Variants in HOXD9 observed in about 807,000 individuals in gnomAD.
The protein encoded by HOXD9 is homeobox D9.
Under a neutral mutation model 24.6 loss-of-function variants are expected in HOXD9, and 21 were observed. The ratio of observed to expected loss-of-function variants is 0.85; its 90% CI spans 0.61 to 1.23. The LOEUF (loss-of-function observed/expected upper bound fraction) is 1.23. HOXD9 is among the 50% of genes most tolerant of loss of function. The probability of loss-of-function intolerance (pLI) is 0.00; values close to 1 mark genes in which losing one functional copy is unlikely to be tolerated. For missense variants in HOXD9, 503 were observed against 503.6 expected (o/e 1.00, Z 0.01); for synonymous variants, 240 against 226.4 (o/e 1.06, Z -0.54).
Position 176,124,312 on chromosome 2 carries a change from T to C in HOXD9, c.*137T>C, listed in dbSNP as rs1689936531. 1 of 1,309,642 alleles carries C rather than the reference T, an allele frequency of 7.6e-7. No homozygotes were observed. Among genetic ancestry groups the C allele is most frequent in the African/African-American group, 1.5e-5 (1 of 67,438 alleles). The allele number at this position is 1,309,642 out of a possible 1,614,324, so 81.1% of individuals were successfully genotyped here. A position where few individuals can be genotyped will look rare whatever the true frequency, so the allele number is the denominator to read the frequency against. ...TTCTTCTTCTTTTTTTTTTTCTTTT[T>C]AGATAGAAGTGACTGTGTGGTTGGT... On this transcript the variant is annotated 3_prime_UTR_variant, in exon 2 of 2. Coordinates refer to ENST00000249499, the MANE Select transcript of HOXD9 (RefSeq NM_014213.4).
rs1368785277 is a variant in HOXD9, at chr2:176,122,910, C to A, written c.142C>A (p.Arg48=). Residue 48 remains arginine, a synonymous_variant, in exon 1 of 2, where the codon CGG becomes AGG. Transcript: ENST00000249499. ...FGPPGPGAQG[R]PAGVADGPAA... Reference sequence around the variant, plus strand: ...GCCGCCGGGGCCAGGCGCGCAGGGCCGGCCTGCAGGTGTGGCTGATGGCCC... The same window carrying A: ...GCCGCCGGGGCCAGGCGCGCAGGGCAGGCCTGCAGGTGTGGCTGATGGCCC... 1 of 1,588,002 alleles carries A rather than the reference C, an allele frequency of 6.3e-7. No homozygotes were observed. The highest frequency in any genetic ancestry group is 1.4e-5 in the African/African-American group (1 of 72,258).
rs961001797 is a variant in HOXD9, at chr2:176,124,399, T to A, written c.*224T>A. On this transcript the variant is annotated 3_prime_UTR_variant, in exon 2 of 2. Transcript: ENST00000249499. The stretch of plus-strand genomic sequence containing the variant: ...TACGTGTTGGAAAAACCAAGTGGCT[T>A]TGGGGTTTCGCCCTATCCCACTCCC... The A allele has an allele frequency of 1.8e-5, 9 of 510,312 alleles. No homozygotes were observed. The South Asian group carries it at 3.4e-4, about 19-fold the overall frequency. The allele number at this position is 510,312 out of a possible 1,614,324, so 31.6% of individuals were successfully genotyped here. A position where few individuals can be genotyped will look rare whatever the true frequency, so the allele number is the denominator to read the frequency against.
rs1574956921 is a variant in HOXD9 at position 176,124,267 on chromosome 2, A to T, written c.*92A>T. ...GGGTGTTTGGTGCTTGATTTCCAGAAACTCTCCAGCGACTTGGACTTCTTC... is the reference window on the plus strand; with the variant it reads ...GGGTGTTTGGTGCTTGATTTCCAGATACTCTCCAGCGACTTGGACTTCTTC... On this transcript the variant is annotated 3_prime_UTR_variant, in exon 2 of 2. Transcript: ENST00000249499. The T allele has an allele frequency of 6.8e-7, 1 of 1,473,722 alleles. No homozygotes were observed. Among genetic ancestry groups the T allele is most frequent in the East Asian group, 2.3e-5 (1 of 42,892 alleles). The allele number at this position is 1,473,722 out of a possible 1,614,324, so 91.3% of individuals were successfully genotyped here. A position where few individuals can be genotyped will look rare whatever the true frequency, so the allele number is the denominator to read the frequency against.
rs1375072343 is a variant in HOXD9 at position 176,124,404 on chromosome 2, G to A, written c.*229G>A. On this transcript the variant is annotated 3_prime_UTR_variant, in exon 2 of 2. Transcript: ENST00000249499. ...GTTGGAAAAACCAAGTGGCTTTGGG[G>A]TTTCGCCCTATCCCACTCCCTCTCT... 1.0e-4 allele frequency: 47 copies of A among 468,436 alleles called. No individual in the cohort carries two copies. The highest frequency in any genetic ancestry group is 1.6e-4 in the Admixed American group (4 of 25,034). The allele number at this position is 468,436 out of a possible 1,614,324, so 29.0% of individuals were successfully genotyped here. A position where few individuals can be genotyped will look rare whatever the true frequency, so the allele number is the denominator to read the frequency against.
At position 176,123,220 on chromosome 2, in the gene HOXD9, G is replaced by A. The variant is rs1326638468; in HGVS notation, c.452G>A (p.Gly151Asp). Residue 151 changes from glycine (G) to aspartate (D), a missense_variant, in exon 1 of 2, where the codon GGC becomes GAC. Transcript: ENST00000249499. This position sits in a 1 kb window ranked among gnomAD's most constrained non-coding sequence, Gnocchi z 4.2. Reference protein sequence around the residue: ...PGRGPSPGPSGPANGRHYGIK... With the variant: ...PGRGPSPGPSDPANGRHYGIK... ...CGCGGTCCCAGCCCTGGCCCCAGCG[G>A]CCCAGCCAACGGGCGCCACTACGGG... 1 of 1,460,622 alleles carries A rather than the reference G, an allele frequency of 6.8e-7. No homozygotes were observed. The highest frequency in any genetic ancestry group is 9.1e-7 in the Non-Finnish European group (1 of 1,103,294). The allele number at this position is 1,460,622 out of a possible 1,614,324, so 90.5% of individuals were successfully genotyped here. A position where few individuals can be genotyped will look rare whatever the true frequency, so the allele number is the denominator to read the frequency against.
rs979581616 is a variant in HOXD9 at position 176,124,677 on chromosome 2, G to T, written c.*502G>T. 2.6e-5 allele frequency: 4 copies of T among 153,744 alleles called. No individual in the cohort carries two copies. Among genetic ancestry groups the T allele is most frequent in the African/African-American group, 9.6e-5 (4 of 41,464 alleles). The allele number at this position is 153,744 out of a possible 1,614,324, so 9.5% of individuals were successfully genotyped here. Reference sequence around the variant, plus strand: ...CCCGGCGGGGTTGCCCACCAGTTGCGAAAGCCCCCTTTCCTCAGGGAGCAC... The same window carrying T: ...CCCGGCGGGGTTGCCCACCAGTTGCTAAAGCCCCCTTTCCTCAGGGAGCAC... On this transcript the variant is annotated 3_prime_UTR_variant, in exon 2 of 2. Transcript: ENST00000249499.
In HOXD9 at chr2:176,123,448, G is replaced by A; in HGVS notation, c.680G>A (p.Gly227Glu). The change falls in exon 1 of 2, where the codon GGG becomes GAG. Residue 227 changes from glycine to glutamate, a missense_variant. Physicochemically the swap from Gly to Glu is moderately conservative, Grantham distance 98. Transcript: ENST00000249499. The surrounding 1 kb of genome is among the most constrained non-coding windows in gnomAD (Gnocchi z 4.2). ...GCGGCGACGGGGGGAACCGGGCCTG[G>A]GGCAGGGATCGGGGCCGCGACTGGG... ...AAAATGGTGPGAGIGAATGTG... is the reference protein window; with the variant it reads ...AAAATGGTGPEAGIGAATGTG... 1 of 1,567,664 alleles carries A rather than the reference G, an allele frequency of 6.4e-7. No homozygotes were observed. Among genetic ancestry groups the A allele is most frequent in the Non-Finnish European group, 8.7e-7 (1 of 1,156,042 alleles).
Position 176,124,925 on chromosome 2 carries a change from C to G in HOXD9, c.*750C>G, listed in dbSNP as rs1049974043. 1 of 152,298 alleles carries G rather than the reference C, an allele frequency of 6.6e-6. No individual in the cohort carries two copies. Among genetic ancestry groups the G allele is most frequent in the African/African-American group, 2.4e-5 (1 of 41,476 alleles). The allele number at this position is 152,298 out of a possible 1,614,324, so 9.4% of individuals were successfully genotyped here. ...CTGACCTGATCAAATGGAGCCCAGA[C>G]GCTGGCCCTAAACATTGTGTGCCTG... On this transcript the variant is annotated 3_prime_UTR_variant, in exon 2 of 2. Coordinates refer to ENST00000249499, the MANE Select transcript of HOXD9 (RefSeq NM_014213.4).
Position 176,123,098 on chromosome 2 carries a change from C to G in HOXD9, c.330C>G (p.Ser110=), listed in dbSNP as rs1437856292. The change falls in exon 1 of 2, where the codon TCC becomes TCG. Residue 110 remains serine, a synonymous_variant. Transcript: ENST00000249499. This position sits in a 1 kb window ranked among gnomAD's most constrained non-coding sequence, Gnocchi z 4.2. ...CGCCGCCCCTGGCCGCCTCTGCCTC[C>G]GAGCCCGGCCGCTACGTGCGCTCCT... The part of the protein sequence containing the change: ...VPPPPLAASA[S]EPGRYVRSWM... 4 of 1,527,960 alleles carry G rather than the reference C, an allele frequency of 2.6e-6. No individual in the cohort carries two copies. The highest frequency in any genetic ancestry group is 1.7e-4 in the Middle Eastern group (1 of 5,820). 94.7% of individuals were successfully genotyped at this position (1,527,960 alleles called of 1,614,324 possible).
Position 176,123,760 on chromosome 2 carries a change from T to A in HOXD9, c.818-174T>A, listed in dbSNP as rs1689923856. ...TAACCACCTACCCTGGGCGCTCAGT[T>A]AGTACGGTAAACAGAGCGCGAGCAT... On this transcript the variant is annotated intron_variant, in intron 1 of 1. Coordinates refer to ENST00000249499, the MANE Select transcript of HOXD9 (RefSeq NM_014213.4). This position sits in a 1 kb window ranked among gnomAD's most constrained non-coding sequence, Gnocchi z 4.2. Among the ~76,000 whole-genome samples the A allele has an allele frequency of 6.6e-6, 1 of 152,156 alleles. No individual in the cohort carries two copies. Among genetic ancestry groups the A allele is most frequent in the South Asian group, 2.1e-4 (1 of 4,828 alleles).
rs771718430 is a variant in HOXD9, at chr2:176,124,215, TTTG to T, written c.*50_*52del. The T allele has an allele frequency of 1.9e-5, 30 of 1,543,874 alleles. No individual in the cohort carries two copies. The highest frequency in any genetic ancestry group is 2.5e-5 in the Non-Finnish European group (29 of 1,142,860). On this transcript the variant is annotated 3_prime_UTR_variant, in exon 2 of 2. Transcript: ENST00000249499. ...GGCGGGAGCGCTCAAGGGCAGCGGA[TTTG>T]TTGTTGTTGCTGTTTTCCTTTGTGG...
At position 176,122,984 on chromosome 2, in the gene HOXD9, G is replaced by C; in HGVS notation, c.216G>C (p.Ser72=). ...EFASCSFAPR[S]AVFSASWSAV... is the part of the protein sequence containing the mutation. ...CCTCGTGTAGTTTTGCCCCCAGATC[G>C]GCCGTGTTCTCTGCCTCGTGGTCCG... The change falls in exon 1 of 2, where the codon TCG becomes TCC. Residue 72 remains serine, a synonymous_variant. Transcript: ENST00000249499. 6 of 1,597,406 alleles carry C rather than the reference G, an allele frequency of 3.8e-6. No individual in the cohort carries two copies. The highest frequency in any genetic ancestry group is 1.7e-4 in the Middle Eastern group (1 of 6,016).
chr2:176,123,567 C>CAGA lies in HOXD9; in HGVS notation c.801_802insAAG (p.Gln267_Gln268insLys), dbSNP rs2105398984. On this transcript the variant is annotated inframe_insertion, in exon 1 of 2. Coordinates refer to ENST00000249499, the MANE Select transcript of HOXD9 (RefSeq NM_014213.4). This position sits in a 1 kb window ranked among gnomAD's most constrained non-coding sequence, Gnocchi z 4.2. ...GGAGAAGCAGCATTCGCAGCCGCAG[C>CAGA]AGCAGCAACTTGACCCAAGTAAGTG... is the stretch of plus-strand genomic sequence containing the variant. 1 of 1,492,354 alleles carries CAGA rather than the reference C, an allele frequency of 6.7e-7. No homozygotes were observed. The highest frequency in any genetic ancestry group is 8.9e-7 in the Non-Finnish European group (1 of 1,119,782). 92.4% of individuals were successfully genotyped at this position (1,492,354 alleles called of 1,614,324 possible). A position where few individuals can be genotyped will look rare whatever the true frequency, so the allele number is the denominator to read the frequency against.
At position 176,123,367 on chromosome 2, in the gene HOXD9, A is replaced by G; in HGVS notation, c.599A>G (p.Gln200Arg). The G allele has an allele frequency of 6.4e-7, 1 of 1,550,760 alleles. No individual in the cohort carries two copies. Among genetic ancestry groups the G allele is most frequent in the Non-Finnish European group, 8.7e-7 (1 of 1,147,162 alleles). ...RTECSVARESQGSSGPEFSCN... is the reference protein window; with the variant it reads ...RTECSVARESRGSSGPEFSCN... ...GAGTGCTCCGTGGCCCGGGAGTCCC[A>G]GGGGAGCAGCGGCCCCGAGTTCTCG... Residue 200 changes from glutamine to arginine, a missense_variant, in exon 1 of 2, where the codon CAG becomes CGG. By Grantham distance (43) the Gln-to-Arg change is conservative (BLOSUM62 1). Coordinates refer to ENST00000249499, the MANE Select transcript of HOXD9 (RefSeq NM_014213.4). The surrounding 1 kb of genome is among the most constrained non-coding windows in gnomAD (Gnocchi z 4.2).
chr2:176,123,383 C>T lies in HOXD9; in HGVS notation c.615C>T (p.Pro205=). The T allele has an allele frequency of 6.4e-7, 1 of 1,553,002 alleles. No individual in the cohort carries two copies. The highest frequency in any genetic ancestry group is 8.7e-7 in the Non-Finnish European group (1 of 1,148,480). The change falls in exon 1 of 2, where the codon CCC becomes CCT. Residue 205 remains proline (P), a synonymous_variant. Coordinates refer to ENST00000249499, the MANE Select transcript of HOXD9 (RefSeq NM_014213.4). This position sits in a 1 kb window ranked among gnomAD's most constrained non-coding sequence, Gnocchi z 4.2. ...VARESQGSSG[P]EFSCNSFLQE... The stretch of plus-strand genomic sequence containing the variant: ...GGGAGTCCCAGGGGAGCAGCGGCCC[C>T]GAGTTCTCGTGCAACTCGTTCCTGC...
rs776353054 is a variant in HOXD9, at chr2:176,123,923, C to T, written c.818-11C>T. 1.7e-5 allele frequency: 28 copies of T among 1,604,962 alleles called. No homozygotes were observed. The highest frequency in any genetic ancestry group is 2.2e-5 in the Non-Finnish European group (26 of 1,172,574). On this transcript the variant is annotated splice_polypyrimidine_tract_variant and intron_variant, in intron 1 of 1. Transcript: ENST00000249499. This position sits in a 1 kb window ranked among gnomAD's most constrained non-coding sequence, Gnocchi z 4.2. Reference sequence around the variant, plus strand: ...TCCTCTCTCCCCGTCTCCAAACCTCCCTCTTTGTAGACAACCCCGCCGCGA... The same window carrying T: ...TCCTCTCTCCCCGTCTCCAAACCTCTCTCTTTGTAGACAACCCCGCCGCGA...
Position 176,123,534 on chromosome 2 carries a change from AAGG to A in HOXD9, c.775_777del (p.Glu259del), listed in dbSNP as rs975834447. 6 of 1,487,714 alleles carry A rather than the reference AAGG, an allele frequency of 4.0e-6. No homozygotes were observed. Among genetic ancestry groups the A allele is most frequent in the South Asian group, 1.4e-5 (1 of 71,870 alleles). 92.2% of individuals were successfully genotyped at this position (1,487,714 alleles called of 1,614,324 possible). A position where few individuals can be genotyped will look rare whatever the true frequency, so the allele number is the denominator to read the frequency against. ...CCACCCGATCCCAGGCTGTTCGCTGAAGGAGGAGGAGAAGCAGCATTCGCAGCC... is the reference window on the plus strand; with the variant it reads ...CCACCCGATCCCAGGCTGTTCGCTGAAGGAGGAGAAGCAGCATTCGCAGCC... On this transcript the variant is annotated inframe_deletion, in exon 1 of 2. Coordinates refer to ENST00000249499, the MANE Select transcript of HOXD9 (RefSeq NM_014213.4). The surrounding 1 kb of genome is among the most constrained non-coding windows in gnomAD (Gnocchi z 4.2).
Sources: gnomAD v4.1 joint callset for allele counts (sites outside exome capture counted in the v4.1 genomes callset) on GRCh38, gnomAD v4.1.1 for gene constraint, Gnocchi (gnomAD v3.1) non-coding constraint, MANE v1.5 for transcripts, NCBI Gene and HGNC (gene_info 2026-07-23, HGNC 2026-07-21) for gene names.